Variants in AGBL4 observed in about 807,000 individuals in gnomAD.
AGBL4 encodes the protein AGBL carboxypeptidase 4, also known as cytosolic carboxypeptidase 6.
Under a neutral mutation model 66.4 loss-of-function variants are expected in AGBL4, and 58 were observed. That is an observed-to-expected ratio of 0.87 (90% CI 0.71 to 1.09). AGBL4 has a LOEUF of 1.09. AGBL4 is among the 50% of genes least tolerant of loss of function. The pLI is 0.00. For missense variants in AGBL4, 579 were observed against 631.0 expected (o/e 0.92, Z 0.88); for synonymous variants, 234 against 222.9 (o/e 1.05, Z -0.44).
chr1:48,853,960 C>T (rs913461119), intron 6 of AGBL4, among the ~76,000 whole-genome samples: 1 of 152,156 alleles, frequency 6.6e-6, no homozygotes, highest in African/African-American at 2.4e-5. Context: ...CCTCTCAAAC[C>T]TCATTGTGCA....
chr1:49,064,659 C>T (rs535225447), intron 4 of AGBL4, among the ~76,000 whole-genome samples: 1 of 152,120 alleles, frequency 6.6e-6, no homozygotes, highest in African/African-American at 2.4e-5. Flanking sequence ...AATACTTATA[C>T]CTAACCAAAA....
chr1:49,959,378 T>C (rs1019839231), intron 1 of AGBL4, among the ~76,000 whole-genome samples: 11 of 152,024 alleles, frequency 7.2e-5, no homozygotes, highest in Non-Finnish European at 1.5e-4. Flanking sequence ...GTTTCACAAT[T>C]CAGATCCTGG....
chr1:49,463,255 C>T (rs1646554105), intron 3 of AGBL4, among the ~76,000 whole-genome samples: 1 of 151,714 alleles, frequency 6.6e-6, no homozygotes, highest in Non-Finnish European at 1.5e-5. Context: ...CCATGCCTGA[C>T]ACTCTGCTAC....
chr1:49,169,749 A>G (rs1646699428), intron 4 of AGBL4, among the ~76,000 whole-genome samples: 1 of 152,184 alleles, frequency 6.6e-6, no homozygotes, highest in Non-Finnish European at 1.5e-5. Flanking sequence ...CGCCAAGCCT[A>G]TAAAGTTAGA....
chr1:48,754,149 G>A (rs192036633), intron 6 of AGBL4, among the ~76,000 whole-genome samples: 8 of 152,256 alleles, frequency 5.3e-5, no homozygotes. Context: ...AACTGGGGAG[G>A]ACACCGTAGC....
intron 9 of AGBL4, among the ~76,000 whole-genome samples, chr1:48,616,916 T>G (rs1164822323): frequency 1.3e-5 from 2 of 152,200 alleles, no homozygotes; most frequent in Non-Finnish European, 1.5e-5. Context: ...CTCCAACGGC[T>G]GGTTTCTTTT....
rs1305097720 is a variant in AGBL4 at position 49,167,517 on chromosome 1, C to A, written c.377+78253G>T. On this transcript the variant is annotated intron_variant, in intron 4 of 13. Coordinates refer to ENST00000371839, the MANE Select transcript of AGBL4 (RefSeq NM_032785.4). ...GAATGGACCAGGCACCTGCCTAGGT[C>A]TTTGAGCTCTATAAAGGCTCCACTG... 2.0e-5 allele frequency among the ~76,000 whole-genome samples: 3 copies of A among 152,336 alleles called. No individual in the cohort carries two copies. In the East Asian group the frequency reaches 5.8e-4, roughly 29 times the overall value.
chr1:49,609,793 T>C (rs1208163853), intron 3 of AGBL4, among the ~76,000 whole-genome samples: 2 of 152,198 alleles, frequency 1.3e-5, no homozygotes, highest in African/African-American at 2.4e-5. Context: ...TTTGTGTCCA[T>C]ATGTATTTGA....
At chr1:48,570,763 C>T (rs1217960246) in intron 11 of AGBL4, among the ~76,000 whole-genome samples, 1 of 152,200 alleles carries the variant, frequency 6.6e-6, no homozygotes, top group Non-Finnish European at 1.5e-5. Flanking sequence ...CTCGCACATA[C>T]TATCACTAAA....
rs1480697133 is a variant in AGBL4, at chr1:49,131,741, T to C, written c.378-85941A>G. ...AGGATTGACAGGATTTAGTGATTGATTGAGTTCTAGGAAGAGCAGAACAAG... is the reference window on the plus strand; with the variant it reads ...AGGATTGACAGGATTTAGTGATTGACTGAGTTCTAGGAAGAGCAGAACAAG... On this transcript the variant is annotated intron_variant, in intron 4 of 13. Transcript: ENST00000371839. Among the ~76,000 whole-genome samples, 4 of 152,110 alleles carry C rather than the reference T, an allele frequency of 2.6e-5. No individual in the cohort carries two copies. In the East Asian group the frequency reaches 5.8e-4, roughly 22 times the overall value.
At chr1:48,894,362 A>G (rs1166332764) in intron 5 of AGBL4, among the ~76,000 whole-genome samples, 1 of 152,230 alleles carries the variant, frequency 6.6e-6, no homozygotes, top group Non-Finnish European at 1.5e-5. Context: ...TCTCAAGTAC[A>G]CACAGTTAAT....
intron 3 of AGBL4, among the ~76,000 whole-genome samples, chr1:49,598,628 G>A (rs577769760): frequency 6.6e-6 from 1 of 152,194 alleles, no homozygotes; most frequent in Admixed American, 6.5e-5. Flanking sequence ...TGCCCCTACT[G>A]GGGGGTGCCT....
chr1:49,080,950 C>T (rs923719963), intron 4 of AGBL4, among the ~76,000 whole-genome samples: 2 of 152,136 alleles, frequency 1.3e-5, no homozygotes, highest in African/African-American at 4.8e-5. Context: ...TAAATTGTTT[C>T]TCTAAAACAA....
At chr1:49,018,975 CA>C (rs201817075) in intron 5 of AGBL4, among the ~76,000 whole-genome samples, 1 of 151,264 alleles carries the variant, frequency 6.6e-6, no homozygotes, top group African/African-American at 2.4e-5. Flanking sequence ...AACCAGAAAC[CA>C]AAAAAACAAA....
intron 3 of AGBL4, among the ~76,000 whole-genome samples, chr1:49,441,945 G>A (rs1282334824): frequency 2.6e-5 from 4 of 152,094 alleles, no homozygotes; most frequent in East Asian, 1.9e-4. Context: ...CACTCACCAC[G>A]GCTGACCTGG....
chr1:49,151,546 A>T (rs1646334613), intron 4 of AGBL4, among the ~76,000 whole-genome samples: 1 of 151,390 alleles, frequency 6.6e-6, no homozygotes, highest in Non-Finnish European at 1.5e-5. Context: ...AAATAAAAAG[A>T]GAATTTGTGG....
chr1:49,500,851 G>A (rs1031863064), intron 3 of AGBL4, among the ~76,000 whole-genome samples: 1 of 92,634 alleles, frequency 1.1e-5, no homozygotes, highest in Non-Finnish European at 2.3e-5. Flanking sequence ...GTCTTCCTTT[G>A]GAAAAGCGGG....
At chr1:49,575,870 T>A (rs1255310211) in intron 3 of AGBL4, among the ~76,000 whole-genome samples, 1 of 152,190 alleles carries the variant, frequency 6.6e-6, no homozygotes, top group African/African-American at 2.4e-5. Context: ...GTCATAATCT[T>A]ATTTGGAGAG....
chr1:49,967,479 T>C (rs796631063), intron 1 of AGBL4, among the ~76,000 whole-genome samples: 2 of 150,170 alleles, frequency 1.3e-5, no homozygotes, highest in South Asian at 4.2e-4. Flanking sequence ...CACATGGACA[T>C]AGGGAGGGGA....
Sources: gnomAD v4.1 joint callset for allele counts (sites outside exome capture counted in the v4.1 genomes callset) on GRCh38, gnomAD v4.1.1 for gene constraint, MANE v1.5 for transcripts, NCBI Gene and HGNC (gene_info 2026-07-23, HGNC 2026-07-21) for gene names.